TRPC3: variants seen among roughly 807,000 people sequenced by gnomAD.
TRPC3 encodes the protein transient receptor potential cation channel subfamily C member 3.
Under a neutral mutation model 90.9 loss-of-function variants are expected in TRPC3, and 54 were observed. The ratio of observed to expected loss-of-function variants is 0.59; its 90% CI spans 0.48 to 0.75. The LOEUF is 0.75. TRPC3 is among the 30% of genes least tolerant of loss of function. The pLI is 0.00. For missense variants in TRPC3, 918 were observed against 1,194.5 expected (o/e 0.77, Z 3.41); for synonymous variants, 424 against 450.9 (o/e 0.94, Z 0.75).
At position 121,930,167 on chromosome 4, in the gene TRPC3, T is replaced by C. The variant is rs193202686; in HGVS notation, c.987+2104A>G. 3.9e-5 allele frequency among the ~76,000 whole-genome samples: 6 copies of C among 152,160 alleles called. No homozygotes were observed. In the East Asian group the frequency reaches 5.8e-4, roughly 15 times the overall value. The stretch of plus-strand genomic sequence containing the variant: ...GTAAAAATGAGAAAGAAAAGGCACA[T>C]TGAGTTAGGGGAGAGAGACATGAAG... On this transcript the variant is annotated intron_variant, in intron 2 of 11. Transcript: ENST00000379645.
rs369683437 is a variant in TRPC3 at position 121,914,906 on chromosome 4, C to T, written c.1215G>A (p.Thr405=). 7 of 1,610,206 alleles carry T rather than the reference C, an allele frequency of 4.3e-6. No individual in the cohort carries two copies. The East Asian group carries it at 6.7e-5, about 15-fold the overall frequency. The stretch of plus-strand genomic sequence containing the variant: ...GGCCTGAGAGGTTCTCATACCAGAT[C>T]GTCAAGAGCTGCTGCTGGCAGTTGG... ...AHPNCQQQLL[T]IWYENLSGLR... is the part of the protein sequence containing the mutation. Residue 405 remains threonine, a synonymous_variant, in exon 4 of 12, where the codon ACG becomes ACA. Transcript: ENST00000379645.
chr4:121,942,124 C>T (rs532561261), intron 1 of TRPC3, among the ~76,000 whole-genome samples: 7 of 152,288 alleles, frequency 4.6e-5, no homozygotes, highest in South Asian at 2.1e-4. Flanking sequence ...TTCCCACCGC[C>T]GCCCTGACAC....
At chr4:121,935,171 C>T (rs1211992789) in intron 1 of TRPC3, among the ~76,000 whole-genome samples, 1 of 152,168 alleles carries the variant, frequency 6.6e-6, no homozygotes, top group East Asian at 1.9e-4. Flanking sequence ...CTTTATTGAA[C>T]ATAAAATTAA....
chr4:121,928,775 G>C (rs1242025958), intron 2 of TRPC3, among the ~76,000 whole-genome samples: 2 of 152,114 alleles, frequency 1.3e-5, no homozygotes, highest in African/African-American at 4.8e-5. Flanking sequence ...TCTATCTACA[G>C]GTTCTGCACA....
chr4:121,911,756 C>A, intron 5 of TRPC3, 121 bp downstream of exon 5: 1 of 1,021,112 alleles, frequency 9.8e-7, no homozygotes. Flanking sequence ...TTTAGCTTAT[C>A]TTGCAACAGT....
chr4:121,902,977 A>G lies in TRPC3; in HGVS notation c.2338T>C (p.Phe780Leu), dbSNP rs767183859. The change falls in exon 9 of 12, where the codon TTC becomes CTC. Residue 780 changes from phenylalanine (F) to leucine (L), a missense_variant. Physicochemically the swap from Phe to Leu is conservative, Grantham distance 22 (BLOSUM62 0). Coordinates refer to ENST00000379645, the MANE Select transcript of TRPC3 (RefSeq NM_001130698.2). ...FDDGKTLPPP[F>L]SLVPSPKSFV... ...GATTTTGGACTAGGAACTAGACTGA[A>G]AGGTGGAGGTAATGTTTTTCCATCA... The G allele has an allele frequency of 6.8e-6, 11 of 1,613,494 alleles. No individual in the cohort carries two copies. Among genetic ancestry groups the G allele is most frequent in the Non-Finnish European group, 9.3e-6 (11 of 1,179,800 alleles).
At position 121,933,048 on chromosome 4, in the gene TRPC3, C is replaced by T. The variant is rs376744633; in HGVS notation, c.216-6G>A. 2 of 1,549,170 alleles carry T rather than the reference C, an allele frequency of 1.3e-6. No homozygotes were observed. The highest frequency in any genetic ancestry group is 1.7e-6 in the Non-Finnish European group (2 of 1,148,018). On this transcript the variant is annotated splice_region_variant and splice_polypyrimidine_tract_variant and intron_variant, in intron 1 of 11. Transcript: ENST00000379645. The stretch of plus-strand genomic sequence containing the variant: ...ATGGGCTTCCCTCCATGGACCTAAT[C>T]AGTAGCAACGATAAAACAACTGTAG...
chr4:121,923,837 G>A (rs2149135474), intron 3 of TRPC3, among the ~76,000 whole-genome samples: 1 of 152,240 alleles, frequency 6.6e-6, no homozygotes, highest in Admixed American at 6.5e-5. Context: ...TTTGTAAATT[G>A]ACCAACTTCA....
chr4:121,904,273 T>C, intron 8 of TRPC3, 49 bp downstream of exon 8: 1 of 1,530,066 alleles, frequency 6.5e-7, no homozygotes, highest in South Asian at 1.2e-5. Context: ...ATGTGTACTA[T>C]CAGAATAGGA....
In TRPC3 at chr4:121,907,327, G is replaced by A. The variant is rs747700292; in HGVS notation, c.2033C>T (p.Ala678Val). 2 of 1,610,878 alleles carry A rather than the reference G, an allele frequency of 1.2e-6. No individual in the cohort carries two copies. The highest frequency in any genetic ancestry group is 2.2e-5 in the East Asian group (1 of 44,874). ...CGTGGTAAAAGCAGCATTAACTTTA[G>A]CCCCAAGGTAGTAAGAATAAAGTAT... ...MFILYSYYLGAKVNAAFTTVE... is the reference protein window; with the variant it reads ...MFILYSYYLGVKVNAAFTTVE... The change falls in exon 7 of 12, where the codon GCT (alanine) becomes GTT (valine). Residue 678 changes from alanine to valine, a missense_variant. Physicochemically the swap from Ala to Val is moderately conservative, Grantham distance 64. Coordinates refer to ENST00000379645, the MANE Select transcript of TRPC3 (RefSeq NM_001130698.2).
rs1185488345 is a variant in TRPC3, at chr4:121,932,469, G to C, written c.789C>G (p.His263Gln). 1.9e-6 allele frequency: 3 copies of C among 1,614,052 alleles called. No individual in the cohort carries two copies. The highest frequency in any genetic ancestry group is 2.7e-5 in the African/African-American group (2 of 74,920). Reference protein sequence around the residue: ...LMKGARIERPHDYFCKCGDCM... With the variant: ...LMKGARIERPQDYFCKCGDCM... Reference sequence around the variant, plus strand: ...AGTCCCCGCACTTGCAGAAATAGTCGTGCGGCCGCTCGATCCTGGCACCCT... The same window carrying C: ...AGTCCCCGCACTTGCAGAAATAGTCCTGCGGCCGCTCGATCCTGGCACCCT... Residue 263 changes from histidine to glutamine, a missense_variant, in exon 2 of 12, where the codon CAC becomes CAG. His to Gln is a conservative substitution (Grantham distance 24, BLOSUM62 0). Transcript: ENST00000379645. This position sits in a 1 kb window ranked among gnomAD's most constrained non-coding sequence, Gnocchi z 7.7.
intron 4 of TRPC3, among the ~76,000 whole-genome samples, chr4:121,913,662 T>C (rs1051747373): frequency 7.1e-6 from 1 of 141,044 alleles, no homozygotes; most frequent in African/African-American, 2.5e-5. Context: ...TTTTATTGCA[T>C]GCTCTCTCAT....
chr4:121,942,687 C>A (rs1385892641), intron 1 of TRPC3, among the ~76,000 whole-genome samples: 1 of 152,174 alleles, frequency 6.6e-6, no homozygotes, highest in African/African-American at 2.4e-5. Context: ...GGAGAGGAAC[C>A]CTGGTCTATC....
chr4:121,886,503 C>T (rs1252806029), intron 10 of TRPC3, among the ~76,000 whole-genome samples: 1 of 152,142 alleles, frequency 6.6e-6, no homozygotes, highest in African/African-American at 2.4e-5. Context: ...TCTGTATAAA[C>T]TTCTGTGATT....
At chr4:121,941,081 G>T (rs1391401307) in intron 1 of TRPC3, among the ~76,000 whole-genome samples, 3 of 152,150 alleles carry the variant, frequency 2.0e-5, no homozygotes, top group African/African-American at 7.2e-5. Flanking sequence ...ATAAGAAAAT[G>T]AACAATGGGT....
At chr4:121,921,652 T>A (rs1370073990) in intron 3 of TRPC3, among the ~76,000 whole-genome samples, 1 of 151,978 alleles carries the variant, frequency 6.6e-6, no homozygotes, top group East Asian at 1.9e-4. Flanking sequence ...TATTATGTTA[T>A]CAGGGGGTGG....
chr4:121,931,071 A>G (rs1729902132), intron 2 of TRPC3, among the ~76,000 whole-genome samples: 1 of 152,198 alleles, frequency 6.6e-6, no homozygotes, highest in South Asian at 2.1e-4. Flanking sequence ...ATGAGCATTG[A>G]TGGATATCCA....
chr4:121,900,036 A>T (rs921832461), intron 9 of TRPC3, among the ~76,000 whole-genome samples: 1 of 152,192 alleles, frequency 6.6e-6, no homozygotes, highest in Admixed American at 6.5e-5. Flanking sequence ...GCCAAATTCC[A>T]TAGAAGTTTG....
chr4:121,930,830 T>TAAAAAAAA (rs71599162), intron 2 of TRPC3: 35 of 204,218 alleles, frequency 1.7e-4, no homozygotes, highest in Non-Finnish European at 2.0e-4. Context: ...CTCTGAGATC[T>TAAAAAAAA]AAAAAAAAAA....
Sources: gnomAD v4.1 joint callset for allele counts (sites outside exome capture counted in the v4.1 genomes callset) on GRCh38, gnomAD v4.1.1 for gene constraint, Gnocchi (gnomAD v3.1) non-coding constraint, MANE v1.5 for transcripts, NCBI Gene and HGNC (gene_info 2026-07-23, HGNC 2026-07-21) for gene names.